The following NFATC2IP variants were observed in gnomAD, a reference collection of about 807,000 sequenced individuals.
The protein encoded by NFATC2IP is NFATC2-interacting protein.
NFATC2IP carries 25 observed loss-of-function variants against 40.2 expected under a neutral mutation model. The observed-to-expected ratio is 0.62, with a 90% CI of 0.45 to 0.87. NFATC2IP has a LOEUF of 0.87. Among genes scored for constraint, NFATC2IP ranks in the 40% least tolerant of loss-of-function variants. The pLI is 0.00. For synonymous variants in NFATC2IP, 241 were observed against 236.3 expected, an observed-to-expected ratio of 1.02 and a Z score of -0.18; for missense variants, 553 against 555.6, an observed-to-expected ratio of 1.00 and a Z score of 0.05.
chr16:28,954,434 C>G (rs918741062), intron 2 of NFATC2IP, 131 bp from the exon 3 acceptor site: 6 of 607,748 alleles, frequency 9.9e-6, no homozygotes, highest in Non-Finnish European at 1.8e-5. Context: ...TCATGTGGCC[C>G]TGTGTGTGCC....
chr16:28,951,031 A>T lies in NFATC2IP; in HGVS notation c.20A>T (p.Lys7Met). The change falls in exon 1 of 8, where the codon AAG becomes ATG. Residue 7 changes from lysine to methionine, a missense_variant. Transcript: ENST00000320805. The stretch of plus-strand genomic sequence containing the variant: ...TGTGCCATGGCGGAGCCTGTGGGGA[A>T]GCGGGGCCGCTGGTCCGGAGGTAGC... MAEPVG[K>M]RGRWSGGSGA... 6.6e-7 allele frequency: 1 copy of T among 1,523,474 alleles called. No individual in the cohort carries two copies. The highest frequency in any genetic ancestry group is 8.8e-7 in the Non-Finnish European group (1 of 1,138,128). 94.4% of individuals were successfully genotyped at this position (1,523,474 alleles called of 1,614,324 possible). A position where few individuals can be genotyped will look rare whatever the true frequency, so the allele number is the denominator to read the frequency against.
chr16:28,955,007 C>T (rs1198500112), intron 3 of NFATC2IP, among the ~76,000 whole-genome samples: 2 of 151,988 alleles, frequency 1.3e-5, no homozygotes, highest in Non-Finnish European at 2.9e-5. Context: ...GCCTGGGAAA[C>T]ATAGAGAGAC....
chr16:28,954,476 CCTT>C (rs1459646781), intron 2 of NFATC2IP, 86 bp from the exon 3 acceptor site: 14 of 802,510 alleles, frequency 1.7e-5, no homozygotes, highest in African/African-American at 3.4e-5. Flanking sequence ...TTTCCTAGGA[CCTT>C]CTTGAAGCCT....
intron 4 of NFATC2IP, 34 bp downstream of exon 4, chr16:28,956,092 G>A: frequency 6.2e-7 from 1 of 1,613,600 alleles, no homozygotes; most frequent in Non-Finnish European, 8.5e-7. Flanking sequence ...TGGGATGGAA[G>A]AGGGCAATCC....
intron 3 of NFATC2IP, among the ~76,000 whole-genome samples, chr16:28,955,086 C>T (rs918806534): frequency 1.3e-5 from 2 of 151,924 alleles, no homozygotes; most frequent in Admixed American, 6.6e-5. Context: ...CCCAGCTGCT[C>T]GGGAGGCTGA....
At chr16:28,957,378 C>T (rs927949005) in intron 5 of NFATC2IP, among the ~76,000 whole-genome samples, 4 of 151,004 alleles carry the variant, frequency 2.6e-5, no homozygotes, top group African/African-American at 9.7e-5. Flanking sequence ...CATGGTGGCT[C>T]ATTCCTGTAA....
At chr16:28,951,447 C>T in intron 1 of NFATC2IP, 49 bp downstream of exon 1, 2 of 1,348,242 alleles carry the variant, frequency 1.5e-6, no homozygotes, top group Non-Finnish European at 1.9e-6. Context: ...AAGGGCTTGG[C>T]CTCCAGGGAG....
At chr16:28,955,702 G>C (rs772505529) in intron 3 of NFATC2IP, among the ~76,000 whole-genome samples, 1 of 152,026 alleles carries the variant, frequency 6.6e-6, no homozygotes, top group Non-Finnish European at 1.5e-5. Context: ...GGGTTCAAGC[G>C]ACCCTCCCAC....
chr16:28,950,968 C>T lies in NFATC2IP; in HGVS notation c.-44C>T, dbSNP rs1964956372. The T allele has an allele frequency of 1.4e-6, 2 of 1,441,800 alleles. No homozygotes were observed. The highest frequency in any genetic ancestry group is 1.8e-6 in the Non-Finnish European group (2 of 1,103,556). The allele number at this position is 1,441,800 out of a possible 1,614,324, so 89.3% of individuals were successfully genotyped here. A position where few individuals can be genotyped will look rare whatever the true frequency, so the allele number is the denominator to read the frequency against. On this transcript the variant is annotated 5_prime_UTR_variant, in exon 1 of 8. Transcript: ENST00000320805. ...GCGAAAGTCGCTGAAGGGGGCGGGG[C>T]GAGGCGAGAGGAGGCGGGCGTGTGT...
In NFATC2IP at chr16:28,966,164, TCTC is replaced by T. The variant is rs1965143893; in HGVS notation, c.*2304_*2306del. 5 of 152,352 alleles carry T rather than the reference TCTC, an allele frequency of 3.3e-5. No individual in the cohort carries two copies. The South Asian group carries it at 6.2e-4, about 19-fold the overall frequency. The allele number at this position is 152,352 out of a possible 1,614,324, so 9.4% of individuals were successfully genotyped here. ...AGAGTTGTTAAGATATTTTACATCT[TCTC>T]CTGTTAGCTGTTCAGCTTTTCCTTT... On this transcript the variant is annotated 3_prime_UTR_variant, in exon 8 of 8. Coordinates refer to ENST00000320805, the MANE Select transcript of NFATC2IP (RefSeq NM_032815.4).
chr16:28,951,336 C>A lies in NFATC2IP; in HGVS notation c.325C>A (p.Arg109=), dbSNP rs934892767. 2.9e-6 allele frequency: 4 copies of A among 1,368,954 alleles called. No homozygotes were observed. The highest frequency in any genetic ancestry group is 3.5e-5 in the Admixed American group (1 of 28,762). 84.8% of individuals were successfully genotyped at this position (1,368,954 alleles called of 1,614,324 possible). Reference sequence around the variant, plus strand: ...AGGACCCCCGCGGGAGCCGGTCAGGCGGCGGCGGCGGCTGGTGCTGGATCC... The same window carrying A: ...AGGACCCCCGCGGGAGCCGGTCAGGAGGCGGCGGCGGCTGGTGCTGGATCC... ...PAGPPREPVR[R]RRRLVLDPGE... is the part of the protein sequence containing the mutation. The change falls in exon 1 of 8, where the codon CGG becomes AGG. Residue 109 remains arginine, a synonymous_variant. Transcript: ENST00000320805.
intron 2 of NFATC2IP, 48 bp downstream of exon 2, chr16:28,952,252 A>G (rs1440027154): frequency 1.2e-6 from 2 of 1,611,364 alleles, no homozygotes; most frequent in Admixed American, 3.4e-5. Context: ...GGCTTCTCTT[A>G]AGAGAATTCC....
rs913170530 is a variant in NFATC2IP, at chr16:28,950,952, G to C, written c.-60G>C. On this transcript the variant is annotated 5_prime_UTR_variant, in exon 1 of 8. Transcript: ENST00000320805. ...GTTTGTCCAATGCAAGGCGAAAGTC[G>C]CTGAAGGGGGCGGGGCGAGGCGAGA... is the stretch of plus-strand genomic sequence containing the variant. The C allele has an allele frequency of 2.2e-5, 31 of 1,422,586 alleles. No homozygotes were observed. The highest frequency in any genetic ancestry group is 2.5e-5 in the Non-Finnish European group (27 of 1,094,410). 88.1% of individuals were successfully genotyped at this position (1,422,586 alleles called of 1,614,324 possible).
rs551332872 is a variant in NFATC2IP, at chr16:28,951,412, C to G, written c.387+14C>G. The G allele has an allele frequency of 2.2e-6, 3 of 1,370,530 alleles. No individual in the cohort carries two copies. Among genetic ancestry groups the G allele is most frequent in the Admixed American group, 7.0e-5 (2 of 28,538 alleles). 84.9% of individuals were successfully genotyped at this position (1,370,530 alleles called of 1,614,324 possible). A position where few individuals can be genotyped will look rare whatever the true frequency, so the allele number is the denominator to read the frequency against. On this transcript the variant is annotated intron_variant, in intron 1 of 7. Coordinates refer to ENST00000320805, the MANE Select transcript of NFATC2IP (RefSeq NM_032815.4). ...TACTCGGGGAAGGTGCGCCCGGTCC[C>G]GGGGAGGGGACCGGCGGAAGGGCCA...
intron 5 of NFATC2IP, 115 bp from the exon 6 acceptor site, chr16:28,958,602 C>T (rs1567513630): frequency 1.1e-6 from 1 of 873,286 alleles, no homozygotes; most frequent in Admixed American, 2.3e-5. Flanking sequence ...TGATGAAACT[C>T]ACAGCTGAGG....
chr16:28,950,956 A>G lies in NFATC2IP; in HGVS notation c.-56A>G, dbSNP rs1177726936. On this transcript the variant is annotated 5_prime_UTR_variant, in exon 1 of 8. Transcript: ENST00000320805. ...GTCCAATGCAAGGCGAAAGTCGCTG[A>G]AGGGGGCGGGGCGAGGCGAGAGGAG... The G allele has an allele frequency of 1.5e-5, 21 of 1,425,470 alleles. No homozygotes were observed. Among genetic ancestry groups the G allele is most frequent in the Non-Finnish European group, 1.7e-5 (19 of 1,095,646 alleles). 88.3% of individuals were successfully genotyped at this position (1,425,470 alleles called of 1,614,324 possible). A position where few individuals can be genotyped will look rare whatever the true frequency, so the allele number is the denominator to read the frequency against.
chr16:28,958,106 A>T (rs961207481), intron 5 of NFATC2IP, among the ~76,000 whole-genome samples: 1 of 126,672 alleles, frequency 7.9e-6, no homozygotes, highest in African/African-American at 3.7e-5. Flanking sequence ...CGCCTCTACT[A>T]AAAATAGAAA....
chr16:28,956,117 C>T, intron 4 of NFATC2IP, 34 bp from the exon 5 acceptor site: 1 of 1,613,562 alleles, frequency 6.2e-7, no homozygotes, highest in Non-Finnish European at 8.5e-7. Context: ...GGGTGGCTGA[C>T]TCCAGTTGAC....
In NFATC2IP at chr16:28,965,883, C is replaced by T. The variant is rs1965140451; in HGVS notation, c.*2020C>T. The T allele has an allele frequency of 6.6e-6, 1 of 151,708 alleles. No homozygotes were observed. The highest frequency in any genetic ancestry group is 1.5e-5 in the Non-Finnish European group (1 of 67,946). 9.4% of individuals were successfully genotyped at this position (151,708 alleles called of 1,614,324 possible). ...CACCCTGACCAACTTGGTGAAATCC[C>T]ATCTCTACTAAAAATACAAAAATTA... On this transcript the variant is annotated 3_prime_UTR_variant, in exon 8 of 8. Transcript: ENST00000320805.
Sources: allele counts gnomAD v4.1 joint callset (sites outside exome capture counted in the v4.1 genomes callset), GRCh38; gene constraint gnomAD v4.1.1; transcripts MANE v1.5; gene names NCBI Gene and HGNC (gene_info 2026-07-23, HGNC 2026-07-21).